The following FABP3 variants were observed in gnomAD, a reference collection of about 807,000 sequenced individuals.
FABP3 encodes fatty acid binding protein 3, also known as fatty acid-binding protein, heart.
A neutral mutation model predicts 13.4 loss-of-function variants in FABP3; 8 were observed. That is an observed-to-expected ratio of 0.60 (90% CI 0.35 to 1.07). FABP3 has a LOEUF of 1.07. Among genes scored for constraint, FABP3 ranks in the 50% least tolerant of loss-of-function variants. The pLI is 0.02. For missense variants in FABP3, 135 were observed against 164.7 expected (o/e 0.82, Z 0.99); for synonymous variants, 64 against 60.0 (o/e 1.07, Z -0.31).
chr1:31,369,732 C>G lies in FABP3; in HGVS notation c.74-175G>C, dbSNP rs192799637. 4.5e-5 allele frequency: 28 copies of G among 617,440 alleles called. No individual in the cohort carries two copies. In the Admixed American group the frequency reaches 5.9e-4, roughly 13 times the overall value. 38.2% of individuals were successfully genotyped at this position (617,440 alleles called of 1,614,324 possible). ...TGCGCTTAGTTCTGTTTGGTGAACA[C>G]AGATAACTGATCCCATTAGATGAGA... On this transcript the variant is annotated intron_variant, in intron 1 of 3. Transcript: ENST00000373713.
At chr1:31,369,724 G>T in intron 1 of FABP3, 167 bp from the exon 2 acceptor site, 1 of 633,360 alleles carries the variant, frequency 1.6e-6, no homozygotes, top group East Asian at 2.7e-5. Flanking sequence ...AGTTCTGTTT[G>T]GTGAACACAG....
downstream of FABP3, among the ~76,000 whole-genome samples, chr1:31,362,217 A>G (rs2148488010): frequency 6.6e-6 from 1 of 152,362 alleles, no homozygotes; most frequent in African/African-American, 2.4e-5. Flanking sequence ...GCCAGAACTC[A>G]GGTCCAGGTC....
intron 2 of FABP3, 130 bp from the exon 3 acceptor site, chr1:31,367,624 T>G: frequency 1.3e-6 from 1 of 753,440 alleles, no homozygotes. Context: ...GGACAAGAGC[T>G]CAGGCAATCC....
intron 3 of FABP3, among the ~76,000 whole-genome samples, chr1:31,367,015 G>A (rs538675266): frequency 1.3e-5 from 2 of 152,328 alleles, no homozygotes; most frequent in Admixed American, 6.5e-5. Flanking sequence ...TAGAAACACA[G>A]GAAGAGCAAA....
intron 2 of FABP3, 143 bp downstream of exon 2, chr1:31,369,242 C>T: frequency 2.3e-6 from 2 of 886,086 alleles, no homozygotes; most frequent in Admixed American, 2.3e-5. Context: ...CAGCACTACA[C>T]AGGCTTTATG....
rs1206702698 is a variant in FABP3, at chr1:31,369,566, A to G, written c.74-9T>C. The G allele has an allele frequency of 6.2e-7, 1 of 1,613,724 alleles. No individual in the cohort carries two copies. The highest frequency in any genetic ancestry group is 8.5e-7 in the Non-Finnish European group (1 of 1,179,804). Reference sequence around the variant, plus strand: ...GGTAGCAAAACCCACACCTGAGGGTAGGGGGAAGGTTATGAGTATATGAGC... The same window carrying G: ...GGTAGCAAAACCCACACCTGAGGGTGGGGGGAAGGTTATGAGTATATGAGC... On this transcript the variant is annotated splice_polypyrimidine_tract_variant and intron_variant, in intron 1 of 3. Coordinates refer to ENST00000373713, the MANE Select transcript of FABP3 (RefSeq NM_004102.5).
At chr1:31,364,046 GA>G (rs781305927), downstream of FABP3, 3 of 1,610,130 alleles carry the variant, frequency 1.9e-6, no homozygotes, top group Non-Finnish European at 2.5e-6. Flanking sequence ...AGAAGAAAAA[GA>G]AACATAGAGA....
In FABP3 at chr1:31,367,400, A is replaced by C; in HGVS notation, c.341T>G (p.Leu114Arg). The C allele has an allele frequency of 1.2e-6, 2 of 1,613,756 alleles. No individual in the cohort carries two copies. The highest frequency in any genetic ancestry group is 1.7e-6 in the Non-Finnish European group (2 of 1,179,628). Residue 114 changes from leucine (L) to arginine (R), a missense_variant, in exon 3 of 4, where the codon CTC becomes CGC. Transcript: ENST00000373713. Reference sequence around the variant, plus strand: ...CAAAGTTGCCCATCTTACCAGGATGAGTTTTCCATCAATTAGCTCCCGCAC... The same window carrying C: ...CAAAGTTGCCCATCTTACCAGGATGCGTTTTCCATCAATTAGCTCCCGCAC... ...TLVRELIDGKLILTLTHGTAV... is the reference protein window; with the variant it reads ...TLVRELIDGKRILTLTHGTAV...
chr1:31,362,567 C>T (rs1414531986), downstream of FABP3, among the ~76,000 whole-genome samples: 1 of 152,162 alleles, frequency 6.6e-6, no homozygotes, highest in African/African-American at 2.4e-5. Context: ...TGTTCTTTCT[C>T]AGCTCTTTTC....
downstream of FABP3, among the ~76,000 whole-genome samples, chr1:31,361,289 C>T (rs1639882681): frequency 6.6e-6 from 1 of 152,198 alleles, no homozygotes; most frequent in Admixed American, 6.5e-5. Flanking sequence ...TTTGACTTGT[C>T]TCCTGTAGAT....
intron 2 of FABP3, 147 bp downstream of exon 2, chr1:31,369,238 T>C (rs1640162480): frequency 7.0e-6 from 6 of 854,956 alleles, no homozygotes; most frequent in Non-Finnish European, 1.1e-5. Context: ...ATTCCAGCAC[T>C]ACACAGGCTT....
At chr1:31,369,769 A>C (rs540511109) in intron 1 of FABP3, among the ~76,000 whole-genome samples, 2 of 152,310 alleles carry the variant, frequency 1.3e-5, no homozygotes, top group South Asian at 4.1e-4. Flanking sequence ...ATACTTAAGG[A>C]ACAGCAGTGC....
chr1:31,368,060 A>G (rs1468464348), intron 2 of FABP3, among the ~76,000 whole-genome samples: 1 of 152,222 alleles, frequency 6.6e-6, no homozygotes. Flanking sequence ...AGAGGGCAGC[A>G]ACCACAAAGT....
At chr1:31,363,926 G>A (rs1427263913), downstream of FABP3, 17 of 1,474,644 alleles carry the variant, frequency 1.2e-5, no homozygotes, top group African/African-American at 1.6e-4. Flanking sequence ...GCTTCCCAAA[G>A]TACTAGGATT....
chr1:31,366,158 A>C (rs961712634), intron 3 of FABP3, among the ~76,000 whole-genome samples: 3 of 151,440 alleles, frequency 2.0e-5, no homozygotes, highest in African/African-American at 7.3e-5. Context: ...TAGGCATTGT[A>C]ATTCTTATTT....
At chr1:31,370,983 C>T (rs769866877) in intron 1 of FABP3, among the ~76,000 whole-genome samples, 15 of 152,170 alleles carry the variant, frequency 9.9e-5, no homozygotes, top group East Asian at 5.8e-4. Flanking sequence ...ATGAAGAGTG[C>T]GAAGTGTCTT....
chr1:31,364,206 T>G, downstream of FABP3: 1 of 1,605,714 alleles, frequency 6.2e-7, no homozygotes, highest in Non-Finnish European at 8.5e-7. Context: ...GTATAAAGAG[T>G]GTAGGGGGTG....
At chr1:31,364,159 A>C, downstream of FABP3, 2 of 1,613,710 alleles carry the variant, frequency 1.2e-6, no homozygotes, top group Non-Finnish European at 1.7e-6. Flanking sequence ...AAGAAGAAAA[A>C]GAAGAAGAAG....
chr1:31,364,304 C>G, downstream of FABP3: 1 of 1,443,236 alleles, frequency 6.9e-7, no homozygotes, highest in Non-Finnish European at 9.1e-7. Context: ...CCATTAACTT[C>G]GCTCCCATGG....
Sources: allele counts gnomAD v4.1 joint callset (sites outside exome capture counted in the v4.1 genomes callset), GRCh38; gene constraint gnomAD v4.1.1; transcripts MANE v1.5; gene names NCBI Gene and HGNC (gene_info 2026-07-23, HGNC 2026-07-21).